The following PPP2R5E variants were observed in gnomAD, a reference collection of about 807,000 sequenced individuals.
PPP2R5E encodes the protein serine/threonine-protein phosphatase 2A 56 kDa regulatory subunit epsilon isoform.
PPP2R5E carries 4 observed loss-of-function variants against 65.3 expected under a neutral mutation model. The ratio of observed to expected loss-of-function variants is 0.06; its 90% CI spans 0.03 to 0.14. The LOEUF (loss-of-function observed/expected upper bound fraction) is 0.14, where lower values mean the gene tolerates loss of function less well. Ranked by LOEUF, PPP2R5E falls within the 10% of genes least tolerant of loss-of-function variation. The pLI, the probability that PPP2R5E is intolerant of heterozygous loss-of-function variation, is 1.00. For synonymous variants in PPP2R5E, 183 were observed against 187.4 expected, an observed-to-expected ratio of 0.98 and a Z score of 0.19; for missense variants, 274 against 556.1, an observed-to-expected ratio of 0.49 and a Z score of 5.10.
chr14:63,484,077 C>G (rs556818941), intron 2 of PPP2R5E, among the ~76,000 whole-genome samples: 16 of 125,446 alleles, frequency 1.3e-4, no homozygotes, highest in Non-Finnish European at 2.4e-4. Context: ...AGTGAGACTC[C>G]ACCAAAAAAA....
Position 63,506,467 on chromosome 14 carries a change from A to G in PPP2R5E, c.157+33062T>C, listed in dbSNP as rs1366402259. ...CTCCGTCTCAAAAAAGAAAAAAGTAATAATAATAATAACAAAAAGATAATC... is the reference window on the plus strand; with the variant it reads ...CTCCGTCTCAAAAAAGAAAAAAGTAGTAATAATAATAACAAAAAGATAATC... On this transcript the variant is annotated intron_variant, in intron 2 of 13. Coordinates refer to ENST00000337537, the MANE Select transcript of PPP2R5E (RefSeq NM_006246.5). Among the ~76,000 whole-genome samples, 3 of 149,642 alleles carry G rather than the reference A, an allele frequency of 2.0e-5. No homozygotes were observed. In the East Asian group the frequency reaches 5.8e-4, roughly 29 times the overall value.
intron 2 of PPP2R5E, among the ~76,000 whole-genome samples, chr14:63,511,763 T>A (rs532910487): frequency 1.3e-5 from 2 of 152,186 alleles, no homozygotes; most frequent in South Asian, 4.1e-4. Flanking sequence ...AGAGCTGAGT[T>A]CTCTGTGCAA....
At chr14:63,517,218 A>C (rs1039719475) in intron 2 of PPP2R5E, among the ~76,000 whole-genome samples, 2 of 152,210 alleles carry the variant, frequency 1.3e-5, no homozygotes, top group African/African-American at 2.4e-5. Context: ...AAAAAATAAA[A>C]AATAAAAATA....
rs1555353679 is a variant in PPP2R5E at position 63,374,634 on chromosome 14, G to GAGAT, written c.*1374_*1375insATCT. The GAGAT allele has an allele frequency of 9.1e-6, 1 of 109,598 alleles. No individual in the cohort carries two copies. Among genetic ancestry groups the GAGAT allele is most frequent in the African/African-American group, 4.8e-5 (1 of 20,648 alleles). 6.8% of individuals were successfully genotyped at this position (109,598 alleles called of 1,614,324 possible). On this transcript the variant is annotated 3_prime_UTR_variant, in exon 14 of 14. Transcript: ENST00000337537. ...TAAATACAAAGCAGAGAGCCAATAA[G>GAGAT]ATATATATATATATATATATATATA...
intron 3 of PPP2R5E, among the ~76,000 whole-genome samples, chr14:63,450,460 G>A (rs1481844044): frequency 6.6e-6 from 1 of 152,040 alleles, no homozygotes; most frequent in Non-Finnish European, 1.5e-5. Flanking sequence ...AGGAAAAGAG[G>A]GAGAAAACGG....
chr14:63,398,019 A>G (rs1885516644), intron 5 of PPP2R5E, among the ~76,000 whole-genome samples: 2 of 152,168 alleles, frequency 1.3e-5, no homozygotes, highest in South Asian at 4.1e-4. Context: ...GTGAGCCACC[A>G]TGCCTGGCTG....
chr14:63,437,444 C>T (rs1044649897), intron 3 of PPP2R5E, among the ~76,000 whole-genome samples: 7 of 152,134 alleles, frequency 4.6e-5, no homozygotes, highest in Non-Finnish European at 1.0e-4. Flanking sequence ...GACCCCTTTC[C>T]GGTAACACAA....
chr14:63,500,650 T>C (rs1416213107), intron 2 of PPP2R5E, among the ~76,000 whole-genome samples: 1 of 151,998 alleles, frequency 6.6e-6, no homozygotes, highest in Non-Finnish European at 1.5e-5. Flanking sequence ...GGCCAAGAGT[T>C]TGAGACAATA....
At chr14:63,492,141 A>C (rs1278596060) in intron 2 of PPP2R5E, among the ~76,000 whole-genome samples, 1 of 152,114 alleles carries the variant, frequency 6.6e-6, no homozygotes, top group African/African-American at 2.4e-5. Context: ...ACTACCTCTG[A>C]ACAAGAATTA....
chr14:63,414,612 T>C (rs1054262131), intron 5 of PPP2R5E, among the ~76,000 whole-genome samples: 1 of 152,334 alleles, frequency 6.6e-6, no homozygotes, highest in Non-Finnish European at 1.5e-5. Context: ...TTCCCGGAGA[T>C]GTTCCAAATG....
chr14:63,455,272 T>A (rs1270511626), intron 2 of PPP2R5E, among the ~76,000 whole-genome samples: 1 of 152,180 alleles, frequency 6.6e-6, no homozygotes, highest in Admixed American at 6.5e-5. Context: ...AATGCCAGCA[T>A]AGCTACCTCG....
intron 4 of PPP2R5E, among the ~76,000 whole-genome samples, chr14:63,421,368 T>C (rs1370487163): frequency 2.0e-5 from 3 of 152,166 alleles, no homozygotes; most frequent in Non-Finnish European, 4.4e-5. Flanking sequence ...GTTAATACAA[T>C]ACAGATGGCT....
chr14:63,458,963 A>G (rs1889304989), intron 2 of PPP2R5E, among the ~76,000 whole-genome samples: 1 of 152,148 alleles, frequency 6.6e-6, no homozygotes, highest in South Asian at 2.1e-4. Context: ...ACACAATGAG[A>G]ATAGTAAGTA....
chr14:63,490,718 T>C (rs1287062609), intron 2 of PPP2R5E, among the ~76,000 whole-genome samples: 1 of 151,932 alleles, frequency 6.6e-6, no homozygotes, highest in Non-Finnish European at 1.5e-5. Flanking sequence ...TGAGTACTAT[T>C]AAAAAGTCAA....
chr14:63,379,826 CTTTTTTTTTTTT>C (rs558475440), intron 13 of PPP2R5E, among the ~76,000 whole-genome samples: 6 of 100,280 alleles, frequency 6.0e-5, no homozygotes, highest in African/African-American at 2.1e-4. Flanking sequence ...TATTCTCTCT[CTTTTTTTTTTTT>C]TTTTTTTTTT....
At chr14:63,497,559 G>C (rs1891630822) in intron 2 of PPP2R5E, among the ~76,000 whole-genome samples, 1 of 151,486 alleles carries the variant, frequency 6.6e-6, no homozygotes. Context: ...GACCAGCCTG[G>C]TCAACATGGT....
intron 5 of PPP2R5E, among the ~76,000 whole-genome samples, chr14:63,411,658 T>TAAAAAAA (rs766263301): frequency 1.1e-5 from 1 of 93,108 alleles, no homozygotes; most frequent in African/African-American, 4.3e-5. Context: ...TGTGGTTGTT[T>TAAAAAAA]AAAAAAAAAA....
intron 2 of PPP2R5E, among the ~76,000 whole-genome samples, chr14:63,487,553 T>A (rs564305103): frequency 6.6e-6 from 1 of 152,334 alleles, no homozygotes; most frequent in African/African-American, 2.4e-5. Context: ...GAAATCAATC[T>A]AATGATTTCT....
intron 3 of PPP2R5E, 148 bp downstream of exon 3, chr14:63,453,541 A>C: frequency 1.6e-6 from 1 of 631,614 alleles, no homozygotes; most frequent in Non-Finnish European, 2.6e-6. Flanking sequence ...AAATTCTAGC[A>C]CTGTGCCGAC....
Sources: allele counts gnomAD v4.1 joint callset (sites outside exome capture counted in the v4.1 genomes callset), GRCh38; gene constraint gnomAD v4.1.1; transcripts MANE v1.5; gene names NCBI Gene and HGNC (gene_info 2026-07-23, HGNC 2026-07-21).